Variants in INPP4A observed in about 807,000 individuals in gnomAD.
INPP4A encodes inositol polyphosphate-4-phosphatase, type I, 107kD.
INPP4A carries 33 observed loss-of-function variants against 119.8 expected under a neutral mutation model. The observed-to-expected ratio is 0.28, with a 90% CI of 0.21 to 0.37. INPP4A has a LOEUF of 0.37. INPP4A is among the 10% of genes least tolerant of loss of function. INPP4A has a pLI of 1.00. For synonymous variants in INPP4A, 496 were observed against 500.7 expected, an observed-to-expected ratio of 0.99 and a Z score of 0.12; for missense variants, 956 against 1,289.9, an observed-to-expected ratio of 0.74 and a Z score of 3.97.
chr2:98,529,366 GGTTT>G (rs1688774177), intron 4 of INPP4A, among the ~76,000 whole-genome samples: 1 of 152,118 alleles, frequency 6.6e-6, no homozygotes, highest in African/African-American at 2.4e-5. Context: ...TAATGGGTTT[GGTTT>G]GTTGTTTTTG....
intron 5 of INPP4A, among the ~76,000 whole-genome samples, 169 bp downstream of exon 5, chr2:98,533,664 A>T (rs1431354135): frequency 6.6e-6 from 1 of 152,192 alleles, no homozygotes; most frequent in African/African-American, 2.4e-5. Flanking sequence ...ACATTTACTC[A>T]TCTGGGTGGC....
At chr2:98,493,463 G>A (rs1574724462) in intron 1 of INPP4A, among the ~76,000 whole-genome samples, 1 of 121,572 alleles carries the variant, frequency 8.2e-6, no homozygotes, top group Non-Finnish European at 1.6e-5. Flanking sequence ...GTTTCCCTCT[G>A]TCATCCATGC....
At position 98,460,100 on chromosome 2, in the gene INPP4A, C is replaced by CGTGTGTGTGTGTGT. The variant is rs3066275; in HGVS notation, c.-166+15034_-166+15047dup. 9.8e-3 allele frequency among the ~76,000 whole-genome samples: 1,442 copies of CGTGTGTGTGTGTGT among 147,082 alleles called. 28 individuals are homozygous for CGTGTGTGTGTGTGT. Among genetic ancestry groups the CGTGTGTGTGTGTGT allele is most frequent in the African/African-American group, 0.035 (1,371 of 39,738 alleles). ...GTGCCACACCTTTGGGTTTGGTCAT[C>CGTGTGTGTGTGTGT]GTGTGTGTGTGTGTGTGTGTGTGTG... On this transcript the variant is annotated intron_variant, in intron 1 of 24. Transcript: ENST00000409851.
intron 1 of INPP4A, among the ~76,000 whole-genome samples, chr2:98,511,387 CT>C (rs1685099430): frequency 6.6e-6 from 1 of 152,178 alleles, no homozygotes; most frequent in Non-Finnish European, 1.5e-5. Flanking sequence ...TATTTAAGCC[CT>C]AGCAGCGTTG....
intron 19 of INPP4A, among the ~76,000 whole-genome samples, 184 bp downstream of exon 19, chr2:98,564,947 G>T (rs1305698930): frequency 6.6e-6 from 1 of 152,232 alleles, no homozygotes; most frequent in African/African-American, 2.4e-5. Context: ...TGTTGTTGTT[G>T]CTGGTTGAGG....
Position 98,593,436 on chromosome 2 carries a change from C to T in INPP4A, c.*5828C>T, listed in dbSNP as rs1700486242. 1 of 152,356 alleles carries T rather than the reference C, an allele frequency of 6.6e-6. No individual in the cohort carries two copies. The highest frequency in any genetic ancestry group is 1.5e-5 in the Non-Finnish European group (1 of 68,066). 9.4% of individuals were successfully genotyped at this position (152,356 alleles called of 1,614,324 possible). On this transcript the variant is annotated 3_prime_UTR_variant, in exon 25 of 25. Coordinates refer to ENST00000409851, the MANE Select transcript of INPP4A (RefSeq NM_001134225.2). The stretch of plus-strand genomic sequence containing the variant: ...TCACTCTCAAATTTTATGTTGCCCA[C>T]CACCTGCCACTAATGGCGTGGTGTT...
At chr2:98,453,211 A>C (rs1023335335) in intron 1 of INPP4A, among the ~76,000 whole-genome samples, 7 of 152,192 alleles carry the variant, frequency 4.6e-5, no homozygotes, top group Non-Finnish European at 7.3e-5. Context: ...TAATACATAA[A>C]AATAACGTTT....
chr2:98,529,009 G>A (rs1688684691), intron 4 of INPP4A, among the ~76,000 whole-genome samples: 1 of 151,496 alleles, frequency 6.6e-6, no homozygotes, highest in Admixed American at 6.6e-5. Flanking sequence ...AACCCGGGAG[G>A]CGGAGCTTGC....
intron 1 of INPP4A, among the ~76,000 whole-genome samples, chr2:98,485,604 T>C (rs996547483): frequency 2.0e-5 from 3 of 152,206 alleles, no homozygotes; most frequent in Non-Finnish European, 2.9e-5. Flanking sequence ...GGAACACTAA[T>C]GCAACTCTTC....
intron 1 of INPP4A, among the ~76,000 whole-genome samples, chr2:98,469,590 G>A (rs1675557896): frequency 6.6e-6 from 1 of 151,870 alleles, no homozygotes; most frequent in African/African-American, 2.4e-5. Context: ...ATCACCTGAG[G>A]TCAGGAGTTC....
Position 98,574,506 on chromosome 2 carries a change from C to T in INPP4A, c.2631+1579C>T, listed in dbSNP as rs571517976. On this transcript the variant is annotated intron_variant, in intron 23 of 24. Coordinates refer to ENST00000409851, the MANE Select transcript of INPP4A (RefSeq NM_001134225.2). ...TACAAAAATTAGCCAGGCGTGGTGA[C>T]GCATGCCTGTAATCCCAGCTACTCG... 3.3e-5 allele frequency among the ~76,000 whole-genome samples: 5 copies of T among 151,976 alleles called. No homozygotes were observed. The East Asian group carries it at 5.8e-4, about 18-fold the overall frequency.
intron 24 of INPP4A, among the ~76,000 whole-genome samples, chr2:98,584,075 TCAC>T: frequency 6.6e-6 from 1 of 152,276 alleles, no homozygotes; most frequent in Admixed American, 6.5e-5. Flanking sequence ...GAGTCTGAAG[TCAC>T]CAAACGCCAG....
intron 1 of INPP4A, among the ~76,000 whole-genome samples, chr2:98,476,931 G>A (rs574044397): frequency 7.4e-4 from 112 of 152,306 alleles, no homozygotes; most frequent in African/African-American, 2.6e-3. Context: ...TTGATCCAGC[G>A]GCATGGCCTG....
Position 98,539,537 on chromosome 2 carries a change from G to A in INPP4A, c.680G>A (p.Gly227Asp), listed in dbSNP as rs1559035066. The A allele has an allele frequency of 1.2e-6, 2 of 1,608,028 alleles. No individual in the cohort carries two copies. The highest frequency in any genetic ancestry group is 1.7e-6 in the Non-Finnish European group (2 of 1,176,230). The change falls in exon 10 of 25, where the codon GGT (glycine) becomes GAT (aspartate). Residue 227 changes from glycine to aspartate, a missense_variant. This residue lies in a region of INPP4A where 652 missense variants were observed against 797.9 expected (regional missense o/e 0.82). Coordinates refer to ENST00000409851, the MANE Select transcript of INPP4A (RefSeq NM_001134225.2). Reference protein sequence around the residue: ...KDTLLKSVFGGAICRMYRFPT... With the variant: ...KDTLLKSVFGDAICRMYRFPT... ...TGTCATCCCACCTCAGTGTTCGGTG[G>A]TGCCATCTGCCGCATGTACCGGTTT...
At chr2:98,481,019 C>T (rs1490727962) in intron 1 of INPP4A, among the ~76,000 whole-genome samples, 1 of 152,184 alleles carries the variant, frequency 6.6e-6, no homozygotes, top group African/African-American at 2.4e-5. Flanking sequence ...GAAACTGAGG[C>T]CCAAAGAGAG....
chr2:98,522,213 G>A lies in INPP4A; in HGVS notation c.151+1482G>A, dbSNP rs553349306. Among the ~76,000 whole-genome samples the A allele has an allele frequency of 5.9e-5, 9 of 151,814 alleles. No individual in the cohort carries two copies. In the South Asian group the frequency reaches 1.9e-3, roughly 32 times the overall value. ...GAAGCAGGGGAATCGCTTGAAGCCA[G>A]GAGGCGGAGGTTGCAGTGAGCCGAG... On this transcript the variant is annotated intron_variant, in intron 4 of 24. Coordinates refer to ENST00000409851, the MANE Select transcript of INPP4A (RefSeq NM_001134225.2).
rs1455257591 is a variant in INPP4A, at chr2:98,520,042, T to A, written c.-7T>A. ...GGATCAAGAAGCACATCATCACCAA[T>A]GACATCATGACAGCAAGAGAGCACA... is the stretch of plus-strand genomic sequence containing the variant. On this transcript the variant is annotated 5_prime_UTR_variant, in exon 3 of 25. An upstream start codon of the reference 5' UTR is lost. Transcript: ENST00000409851. 1 of 1,573,182 alleles carries A rather than the reference T, an allele frequency of 6.4e-7. No individual in the cohort carries two copies. The highest frequency in any genetic ancestry group is 1.8e-5 in the Admixed American group (1 of 54,900).
chr2:98,585,624 G>T (rs185866752), intron 24 of INPP4A, among the ~76,000 whole-genome samples: 1 of 152,190 alleles, frequency 6.6e-6, no homozygotes, highest in Non-Finnish European at 1.5e-5. Context: ...TTGCCAGCTC[G>T]TCCGCACAGG....
chr2:98,456,604 G>T (rs1335627363), intron 1 of INPP4A, among the ~76,000 whole-genome samples: 4 of 152,214 alleles, frequency 2.6e-5, no homozygotes, highest in African/African-American at 9.6e-5. Flanking sequence ...CTCCCAAATT[G>T]CTGGGATTAC....
Sources: gnomAD v4.1 joint callset for allele counts (sites outside exome capture counted in the v4.1 genomes callset) on GRCh38, gnomAD v4.1.1 for gene constraint, gnomAD v4.1.1 regional missense constraint, MANE v1.5 for transcripts, NCBI Gene and HGNC (gene_info 2026-07-23, HGNC 2026-07-21) for gene names.